Variants in TBX1 observed in about 807,000 individuals in gnomAD.
The protein encoded by TBX1 is T-box transcription factor 1, also known as T-box transcription factor TBX1.
In TBX1, 16 loss-of-function variants were observed where a neutral mutation model predicts 40.8. That is an observed-to-expected ratio of 0.39 (90% confidence interval 0.27 to 0.60). TBX1 has a LOEUF of 0.60. Among genes scored for constraint, TBX1 ranks in the 20% least tolerant of loss-of-function variants. The pLI is 0.51. For synonymous variants in TBX1, 403 were observed against 336.8 expected, an observed-to-expected ratio of 1.20 and a Z score of -2.15; for missense variants, 755 against 728.5, an observed-to-expected ratio of 1.04 and a Z score of -0.42.
At chr22:19,761,681 C>T (rs146627627) in intron 1 of TBX1, among the ~76,000 whole-genome samples, 1 of 152,244 alleles carries the variant, frequency 6.6e-6, no homozygotes, top group Non-Finnish European at 1.5e-5. Context: ...CTAGTAAATC[C>T]CACCTCAAGA....
rs969164623 is a variant in TBX1 at position 19,760,819 on chromosome 22, G to GGGC, written c.-12_-10dup. The GGGC allele has an allele frequency of 1.7e-4, 130 of 759,170 alleles. No homozygotes were observed. In the African/African-American group the frequency reaches 1.9e-3, roughly 11 times the overall value. The allele number at this position is 759,170 out of a possible 1,614,324, so 47.0% of individuals were successfully genotyped here. On this transcript the variant is annotated 5_prime_UTR_variant, in exon 1 of 7. Coordinates refer to ENST00000649276, the MANE Select transcript of TBX1 (RefSeq NM_001379200.1). ...GGGGCAGCGCTCAGCTTGGTGGCGGGGGCGGCGGCGGCGGCCCGCGGGTCA... is the reference window on the plus strand; with the variant it reads ...GGGGCAGCGCTCAGCTTGGTGGCGGGGGCGGCGGCGGCGGCGGCCCGCGGGTCA...
At position 19,760,923 on chromosome 22, in the gene TBX1, T is replaced by C. The variant is rs1181652857; in HGVS notation, c.80T>C (p.Leu27Pro). ...CDVAAFTASS[L>P]SSLGAAGGFP... ...GTTGCAGCCTTCACGGCCAGCAGCC[T>C]GAGCAGCCTGGGGGCCGCGGGGGGC... is the stretch of plus-strand genomic sequence containing the variant. Residue 27 changes from leucine (L) to proline (P), a missense_variant, in exon 1 of 7, where the codon CTG becomes CCG. Coordinates refer to ENST00000649276, the MANE Select transcript of TBX1 (RefSeq NM_001379200.1). The C allele has an allele frequency of 1.9e-6, 2 of 1,044,020 alleles. No homozygotes were observed. Among genetic ancestry groups the C allele is most frequent in the Non-Finnish European group, 2.3e-6 (2 of 859,662 alleles). The allele number at this position is 1,044,020 out of a possible 1,614,324, so 64.7% of individuals were successfully genotyped here.
At chr22:19,758,022 C>T (rs993870739), upstream of TBX1, among the ~76,000 whole-genome samples, 1 of 152,152 alleles carries the variant, frequency 6.6e-6, no homozygotes, top group Non-Finnish European at 1.5e-5. Flanking sequence ...CAGCACTATT[C>T]GTATACTCAC....
intron 8 of TBX1, among the ~76,000 whole-genome samples, chr22:19,775,004 C>G (rs1465973473): frequency 6.6e-6 from 1 of 152,200 alleles, no homozygotes; most frequent in African/African-American, 2.4e-5. Flanking sequence ...TAGCCTCGAA[C>G]TCGGGTTCAG....
At chr22:19,780,290 C>G (rs781207665), downstream of TBX1, among the ~76,000 whole-genome samples, 1 of 152,306 alleles carries the variant, frequency 6.6e-6, no homozygotes, top group Admixed American at 6.5e-5. Context: ...ATTCCCCTCC[C>G]CTGGCAGCCA....
chr22:19,766,018 T>G lies in TBX1; in HGVS notation c.1036+16T>G. On this transcript the variant is annotated intron_variant, in intron 6 of 6. Coordinates refer to ENST00000649276, the MANE Select transcript of TBX1 (RefSeq NM_001379200.1). Reference sequence around the variant, plus strand: ...ACGGAGAAAGGTAGGGCCGGGGTCGTGGGATCCGGGTTCCGGCCCTGTGCG... The same window carrying G: ...ACGGAGAAAGGTAGGGCCGGGGTCGGGGGATCCGGGTTCCGGCCCTGTGCG... 6.7e-7 allele frequency: 1 copy of G among 1,490,598 alleles called. No individual in the cohort carries two copies. 92.3% of individuals were successfully genotyped at this position (1,490,598 alleles called of 1,614,324 possible). A position where few individuals can be genotyped will look rare whatever the true frequency, so the allele number is the denominator to read the frequency against.
chr22:19,762,787 C>T (rs1936709526), intron 1 of TBX1, among the ~76,000 whole-genome samples: 1 of 151,972 alleles, frequency 6.6e-6, no homozygotes, highest in Non-Finnish European at 1.5e-5. Flanking sequence ...AAAAGGGCAG[C>T]GGGGACGCCT....
chr22:19,764,705 C>T (rs891170344), intron 3 of TBX1, among the ~76,000 whole-genome samples: 1 of 152,232 alleles, frequency 6.6e-6, no homozygotes, highest in Admixed American at 6.5e-5. Flanking sequence ...CCAGTGAGGT[C>T]GCTGGGCAGG....
At position 19,760,860 on chromosome 22, in the gene TBX1, C is replaced by A; in HGVS notation, c.17C>A (p.Ser6Tyr). 9.7e-7 allele frequency: 1 copy of A among 1,026,240 alleles called. No homozygotes were observed. The highest frequency in any genetic ancestry group is 1.2e-6 in the Non-Finnish European group (1 of 847,470). 63.6% of individuals were successfully genotyped at this position (1,026,240 alleles called of 1,614,324 possible). A position where few individuals can be genotyped will look rare whatever the true frequency, so the allele number is the denominator to read the frequency against. The change falls in exon 1 of 7, where the codon TCC becomes TAC. Residue 6 changes from serine (S) to tyrosine (Y), a missense_variant. Ser to Tyr is a moderately radical substitution (Grantham distance 144). Coordinates refer to ENST00000649276, the MANE Select transcript of TBX1 (RefSeq NM_001379200.1). Reference sequence around the variant, plus strand: ...CCGCGGGTCATGATCTCCGCCGTGTCCAGCCCGTGGCTCACGCAGCTCTCG... The same window carrying A: ...CCGCGGGTCATGATCTCCGCCGTGTACAGCCCGTGGCTCACGCAGCTCTCG... MISAV[S>Y]SPWLTQLSHF...
chr22:19,765,186 T>A, intron 4 of TBX1, 73 bp downstream of exon 4: 2 of 1,606,308 alleles, frequency 1.2e-6, no homozygotes, highest in South Asian at 1.1e-5. Flanking sequence ...CAGTTGCCGT[T>A]TGGGGACAGT....
chr22:19,783,122 G>T (rs999321516), downstream of TBX1: 3 of 750,544 alleles, frequency 4.0e-6, no homozygotes, highest in Non-Finnish European at 7.4e-6. Context: ...GAATCCTCCA[G>T]CCCTGGCCAT....
In TBX1 at chr22:19,766,731, A is replaced by C. The variant is rs1384737337; in HGVS notation, c.1379A>C (p.His460Pro). ...LRGHGYHPHAHPHHHHHPVSP... is the reference protein window; with the variant it reads ...LRGHGYHPHAPPHHHHHPVSP... ...GGCCACGGCTACCACCCGCACGCGC[A>C]TCCGCACCACCACCACCACCCCGTG... Residue 460 changes from histidine to proline, a missense_variant, in exon 7 of 7, where the codon CAT becomes CCT. By Grantham distance (77) the His-to-Pro change is moderately conservative. Around this residue, in one of 3 missense-constraint regions of TBX1, gnomAD observed 412 missense variants for 317.6 expected, o/e 1.30. Coordinates refer to ENST00000649276, the MANE Select transcript of TBX1 (RefSeq NM_001379200.1). The C allele has an allele frequency of 6.5e-7, 1 of 1,542,238 alleles. No homozygotes were observed. Among genetic ancestry groups the C allele is most frequent in the Middle Eastern group, 1.9e-4 (1 of 5,250 alleles).
In TBX1 at chr22:19,772,570, C is replaced by G. The variant is rs41300466; in HGVS notation, c.1009+6568C>G. Among the ~76,000 whole-genome samples the G allele has an allele frequency of 2.3e-3, 355 of 152,350 alleles. 1 individual carries two copies. Among genetic ancestry groups the G allele is most frequent in the African/African-American group, 8.2e-3 (341 of 41,578 alleles). On this transcript the variant is annotated intron_variant, in intron 8 of 8. Transcript: ENST00000329705. ...GCCTCAAGTGATCCTTTGGCCTCAG[C>G]CTCCCAAATTGCTGGCATTACAAGC...
exon 9 of TBX1, chr22:19,779,301 A>G (rs1451911735): frequency 3.1e-6 from 5 of 1,614,242 alleles, no homozygotes; most frequent in Non-Finnish European, 4.2e-6. Context: ...CTTCTGAGGG[A>G]TGCAGGTGGC....
chr22:19,759,216 T>C (rs1282806825), upstream of TBX1, among the ~76,000 whole-genome samples: 1 of 152,154 alleles, frequency 6.6e-6, no homozygotes, highest in Non-Finnish European at 1.5e-5. Context: ...TCAAGGGGCG[T>C]TGGTCATGGA....
rs764852265 is a variant in TBX1, at chr22:19,766,576, G to A, written c.1224G>A (p.Glu408=). 5 of 1,458,902 alleles carry A rather than the reference G, an allele frequency of 3.4e-6. No homozygotes were observed. Among genetic ancestry groups the A allele is most frequent in the African/African-American group, 1.5e-5 (1 of 68,290 alleles). 90.4% of individuals were successfully genotyped at this position (1,458,902 alleles called of 1,614,324 possible). Reference sequence around the variant, plus strand: ...GCCGGCCCAGTCCCCCGAACCCCGAGCTGCGCCTGGAGGCGCCCGGCGCAT... The same window carrying A: ...GCCGGCCCAGTCCCCCGAACCCCGAACTGCGCCTGGAGGCGCCCGGCGCAT... ...PGGRPSPPNP[E]LRLEAPGASE... The change falls in exon 7 of 7, where the codon GAG becomes GAA. Residue 408 remains glutamate (E), a synonymous_variant. Coordinates refer to ENST00000649276, the MANE Select transcript of TBX1 (RefSeq NM_001379200.1).
At chr22:19,762,395 C>T (rs542591610) in intron 1 of TBX1, among the ~76,000 whole-genome samples, 3 of 152,310 alleles carry the variant, frequency 2.0e-5, no homozygotes, top group South Asian at 2.1e-4. Flanking sequence ...GCAGAGGGGA[C>T]GGCAAGTGAG....
upstream of TBX1, chr22:19,759,721 C>T (rs1450954746): frequency 8.1e-6 from 13 of 1,607,424 alleles, no homozygotes; most frequent in Non-Finnish European, 1.1e-5. Flanking sequence ...CCGCCAGACC[C>T]CCTGCCTCAG....
chr22:19,769,490 T>C (rs1936952212), downstream of TBX1, among the ~76,000 whole-genome samples: 1 of 152,362 alleles, frequency 6.6e-6, no homozygotes, highest in South Asian at 2.1e-4. Context: ...GGCCGGCGTC[T>C]GGGTGGCAGC....
Sources: allele counts gnomAD v4.1 joint callset (sites outside exome capture counted in the v4.1 genomes callset), GRCh38; gene constraint gnomAD v4.1.1; regional missense constraint gnomAD v4.1.1; transcripts MANE v1.5; gene names NCBI Gene and HGNC (gene_info 2026-07-23, HGNC 2026-07-21).